Variants in MTFR2 observed in about 807,000 individuals in gnomAD.
MTFR2 encodes the protein mitochondrial fission regulator 2.
A neutral mutation model predicts 41.2 loss-of-function variants in MTFR2; 44 were observed. That is an observed-to-expected ratio of 1.07 (90% CI 0.84 to 1.37). The LOEUF is 1.37. Ranked by LOEUF, MTFR2 falls within the 40% of genes most tolerant of loss-of-function variation. The pLI is 0.00. For missense variants in MTFR2, 452 were observed against 459.5 expected (o/e 0.98, Z 0.15); for synonymous variants, 141 against 154.6 (o/e 0.91, Z 0.65).
In MTFR2 at chr6:136,234,239, T is replaced by C. The variant is rs114636936; in HGVS notation, c.870-740A>G. Among the ~76,000 whole-genome samples the C allele has an allele frequency of 3.6e-3, 501 of 139,868 alleles. 5 individuals are homozygous for C. The highest frequency in any genetic ancestry group is 0.013 in the African/African-American group (469 of 36,704). 91.8% of individuals were successfully genotyped at this position (139,868 alleles called of 152,430 possible). A position where few individuals can be genotyped will look rare whatever the true frequency, so the allele number is the denominator to read the frequency against. ...AGGAGGATCACTTGAGCCAAGGAGG[T>C]CAAGCCTGCAGCAAGTCATGGCACC... is the stretch of plus-strand genomic sequence containing the variant. On this transcript the variant is annotated intron_variant, in intron 6 of 7. Transcript: ENST00000420702.
chr6:136,242,076 T>C lies in MTFR2; in HGVS notation c.282-400A>G, dbSNP rs1191373510. 3.2e-5 allele frequency among the ~76,000 whole-genome samples: 3 copies of C among 93,658 alleles called. No homozygotes were observed. The Admixed American group carries it at 4.6e-4, about 14-fold the overall frequency. The allele number at this position is 93,658 out of a possible 152,430, so 61.4% of individuals were successfully genotyped here. A position where few individuals can be genotyped will look rare whatever the true frequency, so the allele number is the denominator to read the frequency against. On this transcript the variant is annotated intron_variant, in intron 4 of 7. Transcript: ENST00000420702. Reference sequence around the variant, plus strand: ...GCCTGGTCGACAGAGTAAGACTCTGTCTCAAAAAAAAAAAAAAAAAAAAAA... The same window carrying C: ...GCCTGGTCGACAGAGTAAGACTCTGCCTCAAAAAAAAAAAAAAAAAAAAAA...
intron 3 of MTFR2, among the ~76,000 whole-genome samples, chr6:136,243,411 TA>T (rs1780132634): frequency 6.6e-6 from 1 of 152,100 alleles, no homozygotes; most frequent in African/African-American, 2.4e-5. Flanking sequence ...TCCTTCTACT[TA>T]AAAAGAAAAG....
chr6:136,248,994 G>A (rs370837157), intron 2 of MTFR2, 43 bp downstream of exon 2: 120 of 1,532,726 alleles, frequency 7.8e-5, no homozygotes, highest in Non-Finnish European at 1.1e-4. Context: ...TGAAACCCAA[G>A]AACAAATACA....
chr6:136,243,555 A>C (rs1780136552), intron 3 of MTFR2, among the ~76,000 whole-genome samples: 1 of 151,964 alleles, frequency 6.6e-6, no homozygotes, highest in South Asian at 2.1e-4. Flanking sequence ...AGACCAAAAA[A>C]AAGTCAGCCA....
chr6:136,243,038 A>C, intron 3 of MTFR2, 65 bp from the exon 4 acceptor site: 1 of 977,582 alleles, frequency 1.0e-6, no homozygotes, highest in Non-Finnish European at 1.5e-6. Flanking sequence ...CACATGCCCC[A>C]TGGTATTAAA....
chr6:136,232,431 G>A (rs555879238), intron 7 of MTFR2, among the ~76,000 whole-genome samples: 4 of 152,104 alleles, frequency 2.6e-5, no homozygotes, highest in South Asian at 2.1e-4. Context: ...GCTAATTTTC[G>A]TATTTTTAGT....
At chr6:136,231,669 T>TAAAAA (rs71006791) in intron 7 of MTFR2, among the ~76,000 whole-genome samples, 30 of 82,922 alleles carry the variant, frequency 3.6e-4, no homozygotes, top group African/African-American at 4.2e-4. Flanking sequence ...AAAAACTATG[T>TAAAAA]AAAAAAAAAA....
At position 136,246,073 on chromosome 6, in the gene MTFR2, T is replaced by C. The variant is rs968393207; in HGVS notation, c.64-1204A>G. Reference sequence around the variant, plus strand: ...TACAGACCATTCATCTGCGTACCCCTGCTAAGAACAACAGGCATAGAGGCT... The same window carrying C: ...TACAGACCATTCATCTGCGTACCCCCGCTAAGAACAACAGGCATAGAGGCT... On this transcript the variant is annotated intron_variant, in intron 2 of 7. Coordinates refer to ENST00000420702, the MANE Select transcript of MTFR2 (RefSeq NM_001099286.3). Among the ~76,000 whole-genome samples the C allele has an allele frequency of 2.0e-5, 3 of 152,156 alleles. No individual in the cohort carries two copies. The South Asian group carries it at 6.2e-4, about 31-fold the overall frequency.
intron 6 of MTFR2, among the ~76,000 whole-genome samples, chr6:136,239,164 T>G (rs990757623): frequency 6.6e-6 from 1 of 152,092 alleles, no homozygotes; most frequent in Non-Finnish European, 1.5e-5. Flanking sequence ...TGGCAAGATG[T>G]GTGTGTGTGT....
rs71006791 is a variant in MTFR2 at position 136,231,669 on chromosome 6, T to TAAAAAAAAAAAAAAAAAAAAA, written c.1045-302_1045-282dup. 1.6e-4 allele frequency among the ~76,000 whole-genome samples: 13 copies of TAAAAAAAAAAAAAAAAAAAAA among 82,930 alleles called. 1 individual carries two copies. The highest frequency in any genetic ancestry group is 6.1e-4 in the African/African-American group (13 of 21,312). The allele number at this position is 82,930 out of a possible 152,430, so 54.4% of individuals were successfully genotyped here. A position where few individuals can be genotyped will look rare whatever the true frequency, so the allele number is the denominator to read the frequency against. ...CTGAAATTAAGTGCTAAAAACTATGTAAAAAAAAAAAAAAAAAAAAAAAGA... is the reference window on the plus strand; with the variant it reads ...CTGAAATTAAGTGCTAAAAACTATGTAAAAAAAAAAAAAAAAAAAAAAAAAAAAAAAAAAAAAAAAAAAAGA... On this transcript the variant is annotated intron_variant, in intron 7 of 7. Coordinates refer to ENST00000420702, the MANE Select transcript of MTFR2 (RefSeq NM_001099286.3).
chr6:136,241,708 A>C, intron 4 of MTFR2, 32 bp from the exon 5 acceptor site: 2 of 1,509,106 alleles, frequency 1.3e-6, no homozygotes, highest in Non-Finnish European at 1.8e-6. Context: ...AAATGGAGGG[A>C]AGATATATTT....
intron 4 of MTFR2, among the ~76,000 whole-genome samples, chr6:136,242,091 A>C (rs959105847): frequency 2.0e-5 from 3 of 149,808 alleles, no homozygotes; most frequent in African/African-American, 7.3e-5. Context: ...AAAAAAAAAA[A>C]AAAAAAAAAA....
chr6:136,237,333 C>A (rs1400698250), intron 6 of MTFR2, among the ~76,000 whole-genome samples: 1 of 152,012 alleles, frequency 6.6e-6, no homozygotes, highest in Non-Finnish European at 1.5e-5. Context: ...TTACCCAAGG[C>A]TACAAAACTA....
chr6:136,239,272 C>G (rs1018782257), intron 6 of MTFR2, among the ~76,000 whole-genome samples, 194 bp downstream of exon 6: 1 of 151,550 alleles, frequency 6.6e-6, no homozygotes, highest in Non-Finnish European at 1.5e-5. Flanking sequence ...TATGTTGTTT[C>G]AAAAATATGG....
At chr6:136,247,328 C>CA in intron 2 of MTFR2, 1 of 320,502 alleles carries the variant, frequency 3.1e-6, no homozygotes, top group South Asian at 2.5e-5. Flanking sequence ...CCAGCCTGGG[C>CA]AACAGAGCAA....
At chr6:136,243,379 T>C (rs1230003568) in intron 3 of MTFR2, among the ~76,000 whole-genome samples, 3 of 152,204 alleles carry the variant, frequency 2.0e-5, no homozygotes, top group Non-Finnish European at 4.4e-5. Context: ...ATTATACTTT[T>C]TATTATTATT....
chr6:136,246,966 C>A (rs888804580), intron 2 of MTFR2, among the ~76,000 whole-genome samples: 2 of 152,218 alleles, frequency 1.3e-5, no homozygotes, highest in Non-Finnish European at 2.9e-5. Flanking sequence ...TCATTACCTG[C>A]AAGTGACCTT....
chr6:136,233,488 C>A lies in MTFR2; in HGVS notation c.881G>T (p.Gly294Val), dbSNP rs1562206441. Residue 294 changes from glycine (G) to valine (V), a missense_variant, in exon 7 of 8, where the codon GGT becomes GTT. Gly to Val is a moderately radical substitution (Grantham distance 109, BLOSUM62 -3). Transcript: ENST00000420702. Reference protein sequence around the residue: ...KLRAIERSPGGRPIHKRKRQN... With the variant: ...KLRAIERSPGVRPIHKRKRQN... ...TCTTTTCCTCTTATGAATGGGTCTA[C>A]CGCCAGGTGACCTATTTTTTAAAAA... is the stretch of plus-strand genomic sequence containing the variant. The A allele has an allele frequency of 4.0e-6, 6 of 1,498,480 alleles. No individual in the cohort carries two copies. Among genetic ancestry groups the A allele is most frequent in the South Asian group, 1.4e-5 (1 of 72,752 alleles). The allele number at this position is 1,498,480 out of a possible 1,614,324, so 92.8% of individuals were successfully genotyped here.
In MTFR2 at chr6:136,233,398, T is replaced by A. The variant is rs1454429280; in HGVS notation, c.971A>T (p.Gln324Leu). The change falls in exon 7 of 8, where the codon CAA becomes CTA. Residue 324 changes from glutamine (Q) to leucine (L), a missense_variant. Transcript: ENST00000420702. ...CTCTTTCTCAAAAGAATCATCTTCT[T>A]GAAATGCAAATTTCTGTTTAAGTGC... is the stretch of plus-strand genomic sequence containing the variant. ...SHALKQKFAF[Q>L]EDDSFEKENR... 6.2e-7 allele frequency: 1 copy of A among 1,612,246 alleles called. No homozygotes were observed. The highest frequency in any genetic ancestry group is 2.2e-5 in the East Asian group (1 of 44,794).
Sources: gnomAD v4.1 joint callset for allele counts (sites outside exome capture counted in the v4.1 genomes callset) on GRCh38, gnomAD v4.1.1 for gene constraint, MANE v1.5 for transcripts, NCBI Gene and HGNC (gene_info 2026-07-23, HGNC 2026-07-21) for gene names.